The following SLCO5A1 variants were observed in gnomAD, a reference collection of about 807,000 sequenced individuals.
SLCO5A1 encodes solute carrier organic anion transporter family member 5A1.
A neutral mutation model predicts 65.1 loss-of-function variants in SLCO5A1; 39 were observed. That is an observed-to-expected ratio of 0.60 (90% CI 0.46 to 0.78). The LOEUF is 0.78. Ranked by LOEUF, SLCO5A1 falls within the 30% of genes least tolerant of loss-of-function variation. The pLI is 0.00. For missense variants in SLCO5A1, 1,029 were observed against 1,069.4 expected, an observed-to-expected ratio of 0.96 and a Z score of 0.53; for synonymous variants, 438 against 415.7, an observed-to-expected ratio of 1.05 and a Z score of -0.65.
intron 9 of SLCO5A1, among the ~76,000 whole-genome samples, chr8:69,674,644 C>T (rs546085676): frequency 6.6e-6 from 1 of 152,174 alleles, no homozygotes; most frequent in Admixed American, 6.5e-5. Context: ...TAGCATACAT[C>T]TGTTGACTCA....
intron 2 of SLCO5A1, among the ~76,000 whole-genome samples, chr8:69,762,118 T>TTTTCTTTCTTTCTTTCTTTCTTTCTTTC (rs552749800): frequency 2.9e-5 from 3 of 104,710 alleles, no homozygotes; most frequent in Admixed American, 2.0e-4. Context: ...TTTTGTTTTG[T>TTTTCTTTCTTTCTTTCTTTCTTTCTTTC]TTTCTTTCTT....
chr8:69,789,610 C>T (rs1054023283), intron 2 of SLCO5A1, among the ~76,000 whole-genome samples: 2 of 152,092 alleles, frequency 1.3e-5, no homozygotes, highest in African/African-American at 4.8e-5. Context: ...AGACATCTAT[C>T]GTACAACATG....
chr8:69,791,305 G>A (rs931160234), intron 2 of SLCO5A1, among the ~76,000 whole-genome samples: 1 of 152,180 alleles, frequency 6.6e-6, no homozygotes, highest in Non-Finnish European at 1.5e-5. Flanking sequence ...ATCCCAGCAT[G>A]ATCGCTCTGC....
intron 6 of SLCO5A1, among the ~76,000 whole-genome samples, chr8:69,682,882 C>T (rs1313847862): frequency 1.3e-5 from 2 of 152,132 alleles, no homozygotes; most frequent in East Asian, 3.8e-4. Flanking sequence ...GGGCTCTAGA[C>T]AATCAAAATG....
rs1478001269 is a variant in SLCO5A1 at position 69,738,049 on chromosome 8, T to C, written c.1414A>G (p.Ile472Val). The change falls in exon 5 of 10, where the codon ATC (isoleucine) becomes GTC (valine). Residue 472 changes from isoleucine to valine, a missense_variant. By Grantham distance (29) the Ile-to-Val change is conservative (BLOSUM62 3). Transcript: ENST00000260126. Reference sequence around the variant, plus strand: ...AGCGGCAGTGCCTTACCAGTGTAGATGCTGGCATTGGAGGCTGGGATACCA... The same window carrying C: ...AGCGGCAGTGCCTTACCAGTGTAGACGCTGGCATTGGAGGCTGGGATACCA... Reference protein sequence around the residue: ...QFGIPASNASIYTGVIIVPSA... With the variant: ...QFGIPASNASVYTGVIIVPSA... 4 of 1,613,662 alleles carry C rather than the reference T, an allele frequency of 2.5e-6. No homozygotes were observed. Among genetic ancestry groups the C allele is most frequent in the East Asian group, 2.2e-5 (1 of 44,848 alleles).
At chr8:69,785,002 GAAAGA>G (rs544314363) in intron 2 of SLCO5A1, among the ~76,000 whole-genome samples, 178 of 140,082 alleles carry the variant, frequency 1.3e-3, no homozygotes, top group Middle Eastern at 3.8e-3. Context: ...GCGAAAGAAA[GAAAGA>G]AAAGAAAAGA....
At chr8:69,801,813 C>T (rs1819749671) in intron 2 of SLCO5A1, among the ~76,000 whole-genome samples, 2 of 152,166 alleles carry the variant, frequency 1.3e-5, no homozygotes, top group Admixed American at 6.5e-5. Flanking sequence ...TGCAATCTCT[C>T]ATTTTGGCTG....
chr8:69,682,123 C>A, intron 7 of SLCO5A1, 61 bp downstream of exon 7: 1 of 1,530,016 alleles, frequency 6.5e-7, no homozygotes, highest in Non-Finnish European at 8.8e-7. Flanking sequence ...ATAGGAATTT[C>A]ATCACATCCT....
At chr8:69,712,302 C>A (rs1250829706) in intron 5 of SLCO5A1, among the ~76,000 whole-genome samples, 2 of 152,204 alleles carry the variant, frequency 1.3e-5, no homozygotes, top group Admixed American at 6.5e-5. Flanking sequence ...TATGCCACAA[C>A]ATTCGATTTT....
chr8:69,805,209 C>A (rs1425463710), intron 2 of SLCO5A1, among the ~76,000 whole-genome samples: 2 of 152,094 alleles, frequency 1.3e-5, no homozygotes, highest in Non-Finnish European at 2.9e-5. Flanking sequence ...CACTAGCCTA[C>A]TGGACATTTT....
chr8:69,731,625 G>A (rs1816339420), intron 5 of SLCO5A1, among the ~76,000 whole-genome samples: 1 of 152,134 alleles, frequency 6.6e-6, no homozygotes, highest in South Asian at 2.1e-4. Flanking sequence ...GTTCTCATTA[G>A]CACTGAAGAG....
intron 6 of SLCO5A1, among the ~76,000 whole-genome samples, chr8:69,697,327 T>A (rs142342013): frequency 2.3e-3 from 343 of 151,914 alleles, no homozygotes; most frequent in African/African-American, 7.9e-3. Context: ...GAGGTGGAGG[T>A]TGCAGTGAGC....
chr8:69,672,866 G>C lies in SLCO5A1; in HGVS notation c.*3C>G. Reference sequence around the variant, plus strand: ...CAAAACTAAATTCTTCCATTTTCAAGCTTCAGGAGGGCGGCTCCAAGGCAG... The same window carrying C: ...CAAAACTAAATTCTTCCATTTTCAACCTTCAGGAGGGCGGCTCCAAGGCAG... On this transcript the variant is annotated 3_prime_UTR_variant, in exon 10 of 10. Coordinates refer to ENST00000260126, the MANE Select transcript of SLCO5A1 (RefSeq NM_030958.3). 1 of 1,583,064 alleles carries C rather than the reference G, an allele frequency of 6.3e-7. No individual in the cohort carries two copies. Among genetic ancestry groups the C allele is most frequent in the Non-Finnish European group, 8.6e-7 (1 of 1,164,082 alleles).
chr8:69,767,452 G>C (rs1178105930), intron 2 of SLCO5A1, among the ~76,000 whole-genome samples: 1 of 152,186 alleles, frequency 6.6e-6, no homozygotes, highest in African/African-American at 2.4e-5. Flanking sequence ...TTAGGACCTT[G>C]AGCAAGTTGC....
At chr8:69,732,698 G>T (rs1274291032) in intron 5 of SLCO5A1, among the ~76,000 whole-genome samples, 1 of 152,024 alleles carries the variant, frequency 6.6e-6, no homozygotes, top group Non-Finnish European at 1.5e-5. Context: ...AGACCAGCCT[G>T]GCCAACATGG....
chr8:69,794,020 C>A (rs1275573311), intron 2 of SLCO5A1: 7 of 187,030 alleles, frequency 3.7e-5, no homozygotes, highest in Non-Finnish European at 7.6e-5. Context: ...GAGATCAAGT[C>A]TGCTGAGGCT....
intron 5 of SLCO5A1, among the ~76,000 whole-genome samples, chr8:69,737,113 A>G (rs1816595154): frequency 6.6e-6 from 1 of 152,244 alleles, no homozygotes; most frequent in Admixed American, 6.5e-5. Flanking sequence ...CCAATGTTGT[A>G]TGTCTTTATA....
chr8:69,713,330 G>A (rs1435741114), intron 5 of SLCO5A1: 2 of 152,226 alleles, frequency 1.3e-5, no homozygotes, highest in African/African-American at 4.8e-5. Context: ...GAATATCATT[G>A]TAAGCCATCA....
intron 2 of SLCO5A1, among the ~76,000 whole-genome samples, chr8:69,763,312 G>GA (rs939487522): frequency 0.017 from 2,409 of 137,732 alleles, 49 homozygotes; most frequent in African/African-American, 0.054. Flanking sequence ...CTCCATCTCA[G>GA]AAAAAAAAAA....
Sources: gnomAD v4.1 joint callset for allele counts (sites outside exome capture counted in the v4.1 genomes callset) on GRCh38, gnomAD v4.1.1 for gene constraint, MANE v1.5 for transcripts, NCBI Gene and HGNC (gene_info 2026-07-23, HGNC 2026-07-21) for gene names.